Variants in MCTP2 observed in about 807,000 individuals in gnomAD.
The protein encoded by MCTP2 is multiple C2 and transmembrane domain containing 2.
Under a neutral mutation model 111.6 loss-of-function variants are expected in MCTP2, and 132 were observed. That is an observed-to-expected ratio of 1.18 (90% CI 1.03 to 1.37). MCTP2 has a LOEUF of 1.37. Ranked by LOEUF, MCTP2 falls within the 40% of genes most tolerant of loss-of-function variation. The pLI is 0.00. For synonymous variants in MCTP2, 395 were observed against 387.7 expected (o/e 1.02, Z -0.22); for missense variants, 1,183 against 1,067.9 (o/e 1.11, Z -1.50).
chr15:94,298,438 C>T lies in MCTP2; in HGVS notation c.173C>T (p.Ala58Val). The change falls in exon 2 of 23, where the codon GCT becomes GTT. Residue 58 changes from alanine (A) to valine (V), a missense_variant. Coordinates refer to ENST00000357742, the MANE Select transcript of MCTP2 (RefSeq NM_001385001.1). ...LSLSVPDLLEAEALAPEGRPY... is the reference protein window; with the variant it reads ...LSLSVPDLLEVEALAPEGRPY... Reference sequence around the variant, plus strand: ...CTCTCTGTGCCTGATCTCCTGGAGGCTGAGGCCTTGGCCCCAGAGGGCCGG... The same window carrying T: ...CTCTCTGTGCCTGATCTCCTGGAGGTTGAGGCCTTGGCCCCAGAGGGCCGG... The T allele has an allele frequency of 6.2e-7, 1 of 1,614,166 alleles. No homozygotes were observed. Among genetic ancestry groups the T allele is most frequent in the Non-Finnish European group, 8.5e-7 (1 of 1,180,010 alleles).
intron 1 of MCTP2, among the ~76,000 whole-genome samples, chr15:94,250,834 A>T (rs1482694850): frequency 2.0e-5 from 3 of 152,232 alleles, no homozygotes; most frequent in Non-Finnish European, 4.4e-5. Flanking sequence ...CTGCTCTGGG[A>T]AAAAGCTGTC....
At chr15:94,319,823 T>C (rs1198376952) in intron 4 of MCTP2, among the ~76,000 whole-genome samples, 1 of 152,258 alleles carries the variant, frequency 6.6e-6, no homozygotes, top group East Asian at 1.9e-4. Flanking sequence ...CTGTGTGATA[T>C]GCTAAAGTAC....
intron 3 of MCTP2, among the ~76,000 whole-genome samples, chr15:94,314,551 C>T (rs987117002): frequency 1.3e-5 from 2 of 151,872 alleles, no homozygotes. Context: ...ATAGATTCTT[C>T]TAAAAATACA....
rs1227646273 is a variant in MCTP2 at position 94,435,776 on chromosome 15, C to T, written c.2086-4400C>T. On this transcript the variant is annotated intron_variant, in intron 17 of 22. Coordinates refer to ENST00000357742, the MANE Select transcript of MCTP2 (RefSeq NM_001385001.1). ...CCTCCCGAGTAGCTGGGATTACAGG[C>T]GCCCGCCACTACACCCGGCTAATTT... Among the ~76,000 whole-genome samples, 10 of 139,014 alleles carry T rather than the reference C, an allele frequency of 7.2e-5. 1 individual carries two copies. The highest frequency in any genetic ancestry group is 1.3e-4 in the Non-Finnish European group (8 of 62,732). The allele number at this position is 139,014 out of a possible 152,430, so 91.2% of individuals were successfully genotyped here.
At chr15:94,269,810 T>C (rs1328304126) in intron 1 of MCTP2, among the ~76,000 whole-genome samples, 1 of 152,184 alleles carries the variant, frequency 6.6e-6, no homozygotes, top group African/African-American at 2.4e-5. Flanking sequence ...CTAAAGAATG[T>C]TATGTTATTC....
chr15:94,334,099 A>G (rs964745352), intron 4 of MCTP2, among the ~76,000 whole-genome samples: 3 of 152,210 alleles, frequency 2.0e-5, no homozygotes, highest in Non-Finnish European at 2.9e-5. Flanking sequence ...CTTCCCCTTT[A>G]TAACTTCAGT....
chr15:94,336,760 CATATAT>C (rs1457428041), intron 4 of MCTP2, among the ~76,000 whole-genome samples: 1 of 151,074 alleles, frequency 6.6e-6, no homozygotes, highest in Non-Finnish European at 1.5e-5. Flanking sequence ...TATATATACA[CATATAT>C]ATGTATATAT....
At chr15:94,277,402 T>C (rs1268275615) in intron 1 of MCTP2, among the ~76,000 whole-genome samples, 1 of 152,174 alleles carries the variant, frequency 6.6e-6, no homozygotes, top group East Asian at 1.9e-4. Context: ...TATTTATAAT[T>C]GTCAGAAAGT....
intron 4 of MCTP2, among the ~76,000 whole-genome samples, chr15:94,320,961 G>T (rs922279383): frequency 6.6e-6 from 1 of 152,074 alleles, no homozygotes; most frequent in African/African-American, 2.4e-5. Context: ...CTCTAAAATG[G>T]GTGTGATGTA....
Position 94,339,548 on chromosome 15 carries a change from AAAT to A in MCTP2, c.780+124_780+126del, listed in dbSNP as rs368103376. On this transcript the variant is annotated intron_variant, in intron 5 of 22. Coordinates refer to ENST00000357742, the MANE Select transcript of MCTP2 (RefSeq NM_001385001.1). ...TAATTCTTTTATTAGGACAGATTAA[AAAT>A]AATAATATAGAAAAAATTCCTTATA... 78 of 709,284 alleles carry A rather than the reference AAAT, an allele frequency of 1.1e-4. No homozygotes were observed. In the East Asian group the frequency reaches 1.4e-3, roughly 13 times the overall value. 43.9% of individuals were successfully genotyped at this position (709,284 alleles called of 1,614,324 possible). A position where few individuals can be genotyped will look rare whatever the true frequency, so the allele number is the denominator to read the frequency against.
chr15:94,309,085 A>T (rs923862942), intron 2 of MCTP2, among the ~76,000 whole-genome samples: 1 of 152,184 alleles, frequency 6.6e-6, no homozygotes, highest in African/African-American at 2.4e-5. Flanking sequence ...GGTACAAAAA[A>T]ATAAGAACAG....
intron 14 of MCTP2, among the ~76,000 whole-genome samples, chr15:94,389,018 G>C (rs773662645): frequency 3.9e-5 from 6 of 152,120 alleles, no homozygotes; most frequent in African/African-American, 7.2e-5. Context: ...TGAAGAGTTG[G>C]GTAACTTGCA....
At chr15:94,405,661 G>A (rs1304354267) in intron 17 of MCTP2, among the ~76,000 whole-genome samples, 1 of 152,200 alleles carries the variant, frequency 6.6e-6, no homozygotes, top group Non-Finnish European at 1.5e-5. Flanking sequence ...GCTGCATAGT[G>A]TTGAATTTAT....
chr15:94,405,509 C>T (rs778632253), intron 17 of MCTP2, among the ~76,000 whole-genome samples: 1 of 152,136 alleles, frequency 6.6e-6, no homozygotes, highest in South Asian at 2.1e-4. Context: ...GATGGACAAA[C>T]GTGAGAGAAC....
intron 2 of MCTP2, among the ~76,000 whole-genome samples, chr15:94,300,482 C>T (rs1315884784): frequency 6.8e-6 from 1 of 147,980 alleles, no homozygotes; most frequent in African/African-American, 2.5e-5. Flanking sequence ...TGCACTCCAG[C>T]CTGGGTGACA....
intron 1 of MCTP2, among the ~76,000 whole-genome samples, chr15:94,291,128 C>T (rs180977859): frequency 6.6e-6 from 1 of 152,212 alleles, no homozygotes; most frequent in East Asian, 1.9e-4. Flanking sequence ...CATTGGGGGT[C>T]ATAAGTCAAA....
At chr15:94,294,349 T>G (rs1348694562) in intron 1 of MCTP2, among the ~76,000 whole-genome samples, 8 of 152,194 alleles carry the variant, frequency 5.3e-5, no homozygotes, top group Admixed American at 2.6e-4. Flanking sequence ...CAATTTTGTT[T>G]TAGAATGATT....
At chr15:94,384,516 A>AC (rs1567587299) in intron 13 of MCTP2, among the ~76,000 whole-genome samples, 2 of 152,174 alleles carry the variant, frequency 1.3e-5, no homozygotes, top group Non-Finnish European at 2.9e-5. Flanking sequence ...CTCCTTAGAG[A>AC]CCCCCAAAGG....
chr15:94,257,569 GTTTTTT>G (rs760633548), intron 1 of MCTP2, among the ~76,000 whole-genome samples: 84 of 33,808 alleles, frequency 2.5e-3, no homozygotes, highest in African/African-American at 9.3e-3. Context: ...TTTCTTTGTT[GTTTTTT>G]TTTTTTTTTT....
Sources: gnomAD v4.1 joint callset for allele counts (sites outside exome capture counted in the v4.1 genomes callset) on GRCh38, gnomAD v4.1.1 for gene constraint, MANE v1.5 for transcripts, NCBI Gene and HGNC (gene_info 2026-07-23, HGNC 2026-07-21) for gene names.